Variants in CNTN5 observed in about 807,000 individuals in gnomAD.
CNTN5 encodes contactin-5.
In CNTN5, 77 loss-of-function variants were observed where a neutral mutation model predicts 129.1. The ratio of observed to expected loss-of-function variants is 0.60; its 90% confidence interval spans 0.50 to 0.72. The LOEUF is 0.72. CNTN5 is among the 30% of genes least tolerant of loss of function. The pLI is 0.00. For missense variants in CNTN5, 1,478 were observed against 1,328.8 expected (o/e 1.11, Z -1.75); for synonymous variants, 509 against 465.6 (o/e 1.09, Z -1.20).
At chr11:99,637,236 G>A (rs1408911047) in intron 3 of CNTN5, among the ~76,000 whole-genome samples, 1 of 151,636 alleles carries the variant, frequency 6.6e-6, no homozygotes, top group Non-Finnish European at 1.5e-5. Context: ...CATTAGCTAT[G>A]AGTAAAGTAT....
At chr11:99,955,866 T>C (rs1426651829) in intron 7 of CNTN5, among the ~76,000 whole-genome samples, 1 of 152,178 alleles carries the variant, frequency 6.6e-6, no homozygotes, top group Non-Finnish European at 1.5e-5. Flanking sequence ...GTGCAGCCTA[T>C]ATCATTTATT....
chr11:99,378,733 C>G (rs1386200570), intron 2 of CNTN5, among the ~76,000 whole-genome samples: 1 of 151,852 alleles, frequency 6.6e-6, no homozygotes. Flanking sequence ...TAGAAAATCA[C>G]TAGGCTAGGT....
chr11:100,342,568 G>A (rs1952189911), intron 23 of CNTN5, among the ~76,000 whole-genome samples: 1 of 151,954 alleles, frequency 6.6e-6, no homozygotes, highest in Non-Finnish European at 1.5e-5. Context: ...TTGGGTGTAG[G>A]GATCCCAGGC....
At chr11:99,884,871 G>A (rs772913860) in intron 6 of CNTN5, among the ~76,000 whole-genome samples, 1 of 152,138 alleles carries the variant, frequency 6.6e-6, no homozygotes, top group African/African-American at 2.4e-5. Flanking sequence ...CAGCTACTCG[G>A]TTGGCTGAGG....
chr11:100,261,053 T>C (rs1391421025), intron 17 of CNTN5, among the ~76,000 whole-genome samples: 1 of 152,140 alleles, frequency 6.6e-6, no homozygotes, highest in Non-Finnish European at 1.5e-5. Flanking sequence ...AACCCCATTG[T>C]CTCAGCCCAA....
chr11:99,307,764 T>G (rs1864938424), intron 1 of CNTN5, among the ~76,000 whole-genome samples: 1 of 152,162 alleles, frequency 6.6e-6, no homozygotes, highest in African/African-American at 2.4e-5. Context: ...GGCCAATTTT[T>G]TGCTATTAAA....
chr11:99,685,140 T>C (rs1053600342), intron 3 of CNTN5, among the ~76,000 whole-genome samples: 2 of 151,650 alleles, frequency 1.3e-5, no homozygotes, highest in Non-Finnish European at 3.0e-5. Flanking sequence ...ATTTTCATTA[T>C]AATTTTTTCT....
chr11:99,528,621 G>T (rs1947579272), intron 2 of CNTN5, among the ~76,000 whole-genome samples: 1 of 152,208 alleles, frequency 6.6e-6, no homozygotes, highest in Non-Finnish European at 1.5e-5. Context: ...CATTTATTAA[G>T]GAAGCTTCAG....
At chr11:99,875,509 T>C (rs1278036365) in intron 6 of CNTN5, among the ~76,000 whole-genome samples, 1 of 146,794 alleles carries the variant, frequency 6.8e-6, no homozygotes, top group Non-Finnish European at 1.5e-5. Flanking sequence ...CCCATAGCAC[T>C]AAGGTATTAA....
intron 1 of CNTN5, among the ~76,000 whole-genome samples, chr11:99,068,145 A>C (rs2135237645): frequency 6.6e-6 from 1 of 152,256 alleles, no homozygotes; most frequent in African/African-American, 2.4e-5. Context: ...TTTCTTTATG[A>C]ATTACCTAGT....
At chr11:99,039,910 G>A (rs1374885886) in intron 1 of CNTN5, among the ~76,000 whole-genome samples, 2 of 152,132 alleles carry the variant, frequency 1.3e-5, no homozygotes, top group Non-Finnish European at 2.9e-5. Flanking sequence ...TAGGAGCTCA[G>A]AGTATTAAGA....
rs192941588 is a variant in CNTN5 at position 100,039,133 on chromosome 11, T to C, written c.981-22079T>C. Among the ~76,000 whole-genome samples the C allele has an allele frequency of 2.9e-4, 44 of 152,348 alleles. 1 individual carries two copies. Among genetic ancestry groups the C allele is most frequent in the Admixed American group, 2.4e-3 (36 of 15,300 alleles). On this transcript the variant is annotated intron_variant, in intron 9 of 24. Coordinates refer to ENST00000524871, the MANE Select transcript of CNTN5 (RefSeq NM_014361.4). ...GGTTGTTCCTTTCCATGTTTAGTGC[T>C]TCCTTCAGTAGCTCTTTTAGGGCAG...
chr11:99,516,096 A>G (rs1205955452), intron 2 of CNTN5, among the ~76,000 whole-genome samples: 1 of 151,246 alleles, frequency 6.6e-6, no homozygotes, highest in African/African-American at 2.4e-5. Context: ...GGCTATATGC[A>G]ATACCATAAG....
chr11:99,759,694 AGGG>A (rs1421536204), intron 3 of CNTN5, among the ~76,000 whole-genome samples: 2 of 140,068 alleles, frequency 1.4e-5, no homozygotes, highest in South Asian at 2.7e-4. Flanking sequence ...CATAAGAAAA[AGGG>A]AGGGAGGGAG....
At chr11:99,745,733 T>TC (rs1038957304) in intron 3 of CNTN5, among the ~76,000 whole-genome samples, 4 of 151,954 alleles carry the variant, frequency 2.6e-5, no homozygotes, top group African/African-American at 9.7e-5. Context: ...AAGACATTTT[T>TC]TTTTTTCAAT....
chr11:99,692,719 A>C (rs542437130), intron 3 of CNTN5, among the ~76,000 whole-genome samples: 3 of 152,170 alleles, frequency 2.0e-5, no homozygotes, highest in Admixed American at 2.0e-4. Context: ...TAATTTTGCA[A>C]AACATTTTTT....
intron 1 of CNTN5, among the ~76,000 whole-genome samples, chr11:99,320,074 T>C (rs1865504791): frequency 6.6e-6 from 1 of 152,068 alleles, no homozygotes. Flanking sequence ...ACACCGTCTC[T>C]ACTGAAAATA....
At chr11:100,283,619 T>C (rs563067453) in intron 18 of CNTN5, among the ~76,000 whole-genome samples, 4 of 152,130 alleles carry the variant, frequency 2.6e-5, no homozygotes, top group African/African-American at 9.7e-5. Flanking sequence ...ACCACTGATA[T>C]GGAAGATTTC....
chr11:99,383,756 A>G lies in CNTN5; in HGVS notation c.-71+58272A>G, dbSNP rs1940749051. Among the ~76,000 whole-genome samples, 6 of 152,196 alleles carry G rather than the reference A, an allele frequency of 3.9e-5. No individual in the cohort carries two copies. In the South Asian group the frequency reaches 1.2e-3, roughly 32 times the overall value. ...AGAAATGCTTGTCTTAACAGGGCAGAAGCTGCTTTACCCTGGGTTTTTCCA... is the reference window on the plus strand; with the variant it reads ...AGAAATGCTTGTCTTAACAGGGCAGGAGCTGCTTTACCCTGGGTTTTTCCA... On this transcript the variant is annotated intron_variant, in intron 2 of 24. Transcript: ENST00000524871.
Sources: allele counts gnomAD v4.1 joint callset (sites outside exome capture counted in the v4.1 genomes callset), GRCh38; gene constraint gnomAD v4.1.1; transcripts MANE v1.5; gene names NCBI Gene and HGNC (gene_info 2026-07-23, HGNC 2026-07-21).